PLCE1: variants seen among roughly 807,000 people sequenced by gnomAD.
The protein encoded by PLCE1 is 1-phosphatidylinositol 4,5-bisphosphate phosphodiesterase epsilon-1.
PLCE1 carries 119 observed loss-of-function variants against 242.8 expected under a neutral mutation model. The observed-to-expected ratio is 0.49, with a 90% CI of 0.42 to 0.57. PLCE1 has a LOEUF of 0.57. Ranked by LOEUF, PLCE1 falls within the 20% of genes least tolerant of loss-of-function variation. The pLI is 0.00. For synonymous variants in PLCE1, 945 were observed against 1,017.4 expected, an observed-to-expected ratio of 0.93 and a Z score of 1.35; for missense variants, 2,441 against 2,788.8, an observed-to-expected ratio of 0.88 and a Z score of 2.81.
At chr10:94,198,135 A>G (rs1186019474) in intron 4 of PLCE1, among the ~76,000 whole-genome samples, 2 of 151,932 alleles carry the variant, frequency 1.3e-5, no homozygotes, top group Non-Finnish European at 2.9e-5. Context: ...TAAGTCTTTG[A>G]CTATGAATGT....
intron 14 of PLCE1, among the ~76,000 whole-genome samples, chr10:94,264,339 AG>A (rs1394827648): frequency 6.6e-6 from 1 of 152,030 alleles, no homozygotes; most frequent in Non-Finnish European, 1.5e-5. Flanking sequence ...AACCACAAAA[AG>A]CTGGTGTACT....
intron 1 of PLCE1, among the ~76,000 whole-genome samples, chr10:94,010,216 A>C (rs1319561540): frequency 6.6e-6 from 1 of 152,208 alleles, no homozygotes; most frequent in Non-Finnish European, 1.5e-5. Flanking sequence ...CTCTCAGAAG[A>C]GGCAGCCTGA....
Position 94,164,301 on chromosome 10 carries a change from G to A in PLCE1, c.1493-6879G>A, listed in dbSNP as rs548013933. Among the ~76,000 whole-genome samples the A allele has an allele frequency of 2.7e-4, 41 of 152,276 alleles. No individual in the cohort carries two copies. In the South Asian group the frequency reaches 6.4e-3, roughly 24 times the overall value. ...CTTTCAGGTACACCAGTCAGATGTA[G>A]ATTTGGTCTTTTCACATAGTCCCAT... On this transcript the variant is annotated intron_variant, in intron 3 of 32. Coordinates refer to ENST00000371380, the MANE Select transcript of PLCE1 (RefSeq NM_016341.4).
At chr10:94,170,803 A>G (rs1324956085) in intron 3 of PLCE1, among the ~76,000 whole-genome samples, 1 of 152,212 alleles carries the variant, frequency 6.6e-6, no homozygotes, top group Admixed American at 6.5e-5. Context: ...TAAGTTGGCT[A>G]TGCTTATACC....
chr10:94,126,127 G>A (rs986281546), intron 2 of PLCE1, among the ~76,000 whole-genome samples: 3 of 152,188 alleles, frequency 2.0e-5, no homozygotes, highest in Admixed American at 6.5e-5. Flanking sequence ...GTTTATGCAA[G>A]TGTTATCTAA....
intron 6 of PLCE1, 58 bp downstream of exon 6, chr10:94,234,370 A>G (rs547502638): frequency 3.3e-4 from 518 of 1,567,170 alleles, no homozygotes; most frequent in Non-Finnish European, 1.9e-4. Context: ...CTGTCTCATC[A>G]GGCCCTGTCT....
At position 94,203,013 on chromosome 10, in the gene PLCE1, T is replaced by A. The variant is rs570543427; in HGVS notation, c.1810-24293T>A. ...CTTAGGTGATAATAGCTACAATTAG[T>A]TGAACACTTCTGCAAGCCAGCATGG... On this transcript the variant is annotated intron_variant, in intron 4 of 32. Coordinates refer to ENST00000371380, the MANE Select transcript of PLCE1 (RefSeq NM_016341.4). Among the ~76,000 whole-genome samples the A allele has an allele frequency of 2.0e-5, 3 of 152,352 alleles. No homozygotes were observed. In the East Asian group the frequency reaches 5.8e-4, roughly 29 times the overall value.
intron 4 of PLCE1, among the ~76,000 whole-genome samples, chr10:94,203,038 G>A (rs1213173812): frequency 6.6e-6 from 1 of 152,194 alleles, no homozygotes; most frequent in East Asian, 1.9e-4. Context: ...AGCCAGCATG[G>A]TGCTATGTGC....
At chr10:94,230,881 A>T (rs1468836537) in intron 5 of PLCE1, among the ~76,000 whole-genome samples, 1 of 152,182 alleles carries the variant, frequency 6.6e-6, no homozygotes, top group Non-Finnish European at 1.5e-5. Context: ...AAGTGCTGGG[A>T]TTACAGGCAT....
Position 94,132,478 on chromosome 10 carries a change from CT to C in PLCE1, c.1492+23del, listed in dbSNP as rs1283821165. On this transcript the variant is annotated intron_variant, in intron 3 of 32. Coordinates refer to ENST00000371380, the MANE Select transcript of PLCE1 (RefSeq NM_016341.4). ...CTGAAAGGTAATGCCTGAAATTTCA[CT>C]TTTAACTTTCTATCTTTGACTACAG... 12 of 1,609,474 alleles carry C rather than the reference CT, an allele frequency of 7.5e-6. No individual in the cohort carries two copies. In the Middle Eastern group the frequency reaches 6.6e-4, roughly 89 times the overall value.
At chr10:94,302,226 G>A (rs2053063530) in intron 24 of PLCE1, among the ~76,000 whole-genome samples, 1 of 152,134 alleles carries the variant, frequency 6.6e-6, no homozygotes, top group African/African-American at 2.4e-5. Context: ...CACCAAGTTA[G>A]ATTTCAGTTA....
intron 4 of PLCE1, among the ~76,000 whole-genome samples, chr10:94,202,559 T>G (rs2049018690): frequency 6.6e-6 from 1 of 152,168 alleles, no homozygotes; most frequent in Non-Finnish European, 1.5e-5. Context: ...TGTCAGGGTT[T>G]CTTCTCCTTG....
intron 2 of PLCE1, among the ~76,000 whole-genome samples, chr10:94,079,339 C>G (rs2044591710): frequency 6.6e-6 from 1 of 152,056 alleles, no homozygotes; most frequent in Non-Finnish European, 1.5e-5. Flanking sequence ...CTGGAATTGA[C>G]ATGAAATTAG....
intron 4 of PLCE1, among the ~76,000 whole-genome samples, chr10:94,211,085 G>A (rs544329738): frequency 6.6e-6 from 1 of 152,348 alleles, no homozygotes; most frequent in Admixed American, 6.5e-5. Context: ...TGTGTCGTGG[G>A]AGGCCCTAGG....
chr10:94,270,120 A>G (rs868084992), intron 17 of PLCE1, among the ~76,000 whole-genome samples: 1 of 152,208 alleles, frequency 6.6e-6, no homozygotes, highest in Non-Finnish European at 1.5e-5. Flanking sequence ...CAAATAAATT[A>G]TAAACTCTTT....
At chr10:94,069,741 G>C (rs2044299194) in intron 2 of PLCE1, among the ~76,000 whole-genome samples, 1 of 152,224 alleles carries the variant, frequency 6.6e-6, no homozygotes. Flanking sequence ...TGGAAGCAGA[G>C]GACAGACATT....
chr10:94,027,684 G>T (rs1019637251), intron 1 of PLCE1, among the ~76,000 whole-genome samples: 1 of 152,146 alleles, frequency 6.6e-6, no homozygotes, highest in Non-Finnish European at 1.5e-5. Flanking sequence ...AACTGGGCGT[G>T]GTGGCACATG....
chr10:94,179,270 C>T (rs908014041), intron 4 of PLCE1, among the ~76,000 whole-genome samples: 13 of 152,202 alleles, frequency 8.5e-5, no homozygotes, highest in Non-Finnish European at 1.8e-4. Context: ...ATGGCACTTC[C>T]ATCCTGAAGC....
chr10:94,266,356 G>A (rs1487548116), intron 16 of PLCE1, among the ~76,000 whole-genome samples: 1 of 152,006 alleles, frequency 6.6e-6, no homozygotes, highest in Admixed American at 6.5e-5. Flanking sequence ...AACTTCCTAT[G>A]TACTTATTCC....
Sources: allele counts gnomAD v4.1 joint callset (sites outside exome capture counted in the v4.1 genomes callset), GRCh38; gene constraint gnomAD v4.1.1; transcripts MANE v1.5; gene names NCBI Gene and HGNC (gene_info 2026-07-23, HGNC 2026-07-21).